The following RAD54L2 variants were observed in gnomAD, a reference collection of about 807,000 sequenced individuals.
The protein encoded by RAD54L2 is helicase ARIP4.
Under a neutral mutation model 138.4 loss-of-function variants are expected in RAD54L2, and 27 were observed. That is an observed-to-expected ratio of 0.20 (90% confidence interval 0.14 to 0.27). The LOEUF (loss-of-function observed/expected upper bound fraction) is 0.27, where lower values mean the gene tolerates loss of function less well. Among genes scored for constraint, RAD54L2 ranks in the 10% least tolerant of loss-of-function variants. The probability of loss-of-function intolerance (pLI) is 1.00; values close to 1 mark genes in which losing one functional copy is unlikely to be tolerated. For missense variants in RAD54L2, 1,396 were observed against 1,890.2 expected, an observed-to-expected ratio of 0.74 and a Z score of 4.85; for synonymous variants, 644 against 723.2, an observed-to-expected ratio of 0.89 and a Z score of 1.76.
intron 2 of RAD54L2, among the ~76,000 whole-genome samples, chr3:51,544,574 A>T (rs1346389784): frequency 6.6e-6 from 1 of 152,196 alleles, no homozygotes; most frequent in Admixed American, 6.6e-5. Flanking sequence ...CTAACTACTG[A>T]TAAGCCACCA....
chr3:51,562,991 T>C (rs1460426371), intron 2 of RAD54L2, among the ~76,000 whole-genome samples: 2 of 152,126 alleles, frequency 1.3e-5, no homozygotes, highest in Middle Eastern at 3.2e-3. Flanking sequence ...GCCTACCCCA[T>C]TCCCTGGACA....
intron 2 of RAD54L2, among the ~76,000 whole-genome samples, chr3:51,549,384 A>G (rs1698778065): frequency 6.6e-6 from 1 of 152,134 alleles, no homozygotes; most frequent in Non-Finnish European, 1.5e-5. Context: ...CAGGAGACAA[A>G]TCCAGAGCCA....
rs1701284458 is a variant in RAD54L2, at chr3:51,646,484, G to A, written c.3026+3G>A. 1 of 1,602,684 alleles carries A rather than the reference G, an allele frequency of 6.2e-7. No individual in the cohort carries two copies. Among genetic ancestry groups the A allele is most frequent in the African/African-American group, 1.3e-5 (1 of 74,622 alleles). On this transcript the variant is annotated splice_donor_region_variant and intron_variant, in intron 19 of 22. Transcript: ENST00000684192. ...CCCGCCTTCAGCCAGAGAAACTGGT[G>A]AGTTGCTGAAAGGGGAGGGTCTGCT... is the stretch of plus-strand genomic sequence containing the variant.
At chr3:51,548,879 T>C (rs1698765308) in intron 2 of RAD54L2, among the ~76,000 whole-genome samples, 2 of 142,986 alleles carry the variant, frequency 1.4e-5, no homozygotes, top group African/African-American at 5.3e-5. Context: ...CAGGCTGGAG[T>C]GCAGTGGCGC....
intron 7 of RAD54L2, 126 bp from the exon 8 acceptor site, chr3:51,633,451 C>A: frequency 1.1e-6 from 1 of 899,096 alleles, no homozygotes; most frequent in Non-Finnish European, 1.7e-6. Context: ...CTTCTATGGC[C>A]ATCCACACCT....
intron 1 of RAD54L2, among the ~76,000 whole-genome samples, chr3:51,540,143 T>G (rs1047638635): frequency 3.3e-5 from 5 of 152,250 alleles, no homozygotes; most frequent in Non-Finnish European, 5.9e-5. Context: ...CCAATTCTTA[T>G]AAATCTAAAT....
intron 20 of RAD54L2, 57 bp from the exon 21 acceptor site, chr3:51,657,523 C>A: frequency 8.2e-7 from 1 of 1,217,736 alleles, no homozygotes; most frequent in Non-Finnish European, 1.2e-6. Context: ...TGCAATTTTC[C>A]CCCCTCCTTC....
intron 19 of RAD54L2, among the ~76,000 whole-genome samples, chr3:51,652,930 G>T (rs979086940): frequency 7.9e-5 from 12 of 152,230 alleles, no homozygotes; most frequent in South Asian, 2.1e-4. Flanking sequence ...TAGACAAATG[G>T]GATCTAATTA....
intron 3 of RAD54L2, among the ~76,000 whole-genome samples, chr3:51,617,934 T>A (rs537461724): frequency 1.3e-5 from 2 of 152,208 alleles, no homozygotes; most frequent in South Asian, 4.1e-4. Context: ...ATAATGTATA[T>A]TTAATACATA....
intron 19 of RAD54L2, among the ~76,000 whole-genome samples, chr3:51,648,799 C>T (rs1270867893): frequency 6.6e-6 from 1 of 152,146 alleles, no homozygotes; most frequent in Non-Finnish European, 1.5e-5. Context: ...ATCTGTAGGT[C>T]ACCATCATCA....
intron 20 of RAD54L2, 151 bp from the exon 21 acceptor site, chr3:51,657,429 G>T: frequency 2.2e-6 from 1 of 447,336 alleles, no homozygotes. Flanking sequence ...GATCCTGCTT[G>T]CTTCACCTTC....
Position 51,662,896 on chromosome 3 carries a change from T to A in RAD54L2, c.3880T>A (p.Phe1294Ile). The A allele has an allele frequency of 6.2e-7, 1 of 1,613,402 alleles. No individual in the cohort carries two copies. Among genetic ancestry groups the A allele is most frequent in the Non-Finnish European group, 8.5e-7 (1 of 1,179,762 alleles). ...YEHGYPVSGGFAMPPVSLNHN... is the reference protein window; with the variant it reads ...YEHGYPVSGGIAMPPVSLNHN... ...ACACGGGTATCCAGTCTCTGGCGGG[T>A]TTGCCATGCCACCCGTCTCCTTAAA... Residue 1294 changes from phenylalanine to isoleucine, a missense_variant, in exon 23 of 23, where the codon TTT (phenylalanine) becomes ATT (isoleucine). Coordinates refer to ENST00000684192, the MANE Select transcript of RAD54L2 (RefSeq NM_015106.4). This position sits in a 1 kb window ranked among gnomAD's most constrained non-coding sequence, Gnocchi z 4.6.
chr3:51,546,692 T>TA (rs1553672348), intron 2 of RAD54L2, among the ~76,000 whole-genome samples: 1 of 151,916 alleles, frequency 6.6e-6, no homozygotes, highest in African/African-American at 2.4e-5. Context: ...CAGTAGCTGT[T>TA]AAAAATTGAT....
At chr3:51,622,723 C>T (rs1454198037) in intron 3 of RAD54L2, among the ~76,000 whole-genome samples, 1 of 152,132 alleles carries the variant, frequency 6.6e-6, no homozygotes, top group Non-Finnish European at 1.5e-5. Flanking sequence ...TGGGAGTAGT[C>T]TTACCCAGGA....
rs1701906407 is a variant in RAD54L2 at position 51,666,174 on chromosome 3, C to CTTGTTTTTTTTTTTTT, written c.*2756_*2757insGTTTTTTTTTTTTTTT. On this transcript the variant is annotated 3_prime_UTR_variant, in exon 23 of 23. Coordinates refer to ENST00000684192, the MANE Select transcript of RAD54L2 (RefSeq NM_015106.4). ...AGTGCTACCAGGTCCATGGTTTTTG[C>CTTGTTTTTTTTTTTTT]TTTTTTTTTTTTTTTTTTTTTTTTT... 1.7e-5 allele frequency: 1 copy of CTTGTTTTTTTTTTTTT among 58,706 alleles called. No homozygotes were observed. Among genetic ancestry groups the CTTGTTTTTTTTTTTTT allele is most frequent in the African/African-American group, 8.4e-5 (1 of 11,836 alleles). The allele number at this position is 58,706 out of a possible 1,614,324, so 3.6% of individuals were successfully genotyped here.
chr3:51,643,200 A>G (rs1701184039), intron 15 of RAD54L2, among the ~76,000 whole-genome samples: 1 of 151,992 alleles, frequency 6.6e-6, no homozygotes, highest in Non-Finnish European at 1.5e-5. Context: ...ATGCCCAGCT[A>G]ATTTTTGTAT....
chr3:51,569,282 G>A (rs1239097243), intron 2 of RAD54L2, among the ~76,000 whole-genome samples: 2 of 151,994 alleles, frequency 1.3e-5, no homozygotes, highest in Admixed American at 6.6e-5. Flanking sequence ...TCCTCTCAAG[G>A]CTCAGAATAA....
chr3:51,556,272 T>C (rs1480300088), intron 2 of RAD54L2, among the ~76,000 whole-genome samples: 1 of 152,166 alleles, frequency 6.6e-6, no homozygotes, highest in East Asian at 1.9e-4. Context: ...CCAATTGCCT[T>C]TTTTTGTTTT....
At chr3:51,648,174 C>T (rs1406252543) in intron 19 of RAD54L2, among the ~76,000 whole-genome samples, 1 of 152,196 alleles carries the variant, frequency 6.6e-6, no homozygotes, top group African/African-American at 2.4e-5. Flanking sequence ...GGTCCCACAC[C>T]CACGGAGCCT....
Sources: gnomAD v4.1 joint callset for allele counts (sites outside exome capture counted in the v4.1 genomes callset) on GRCh38, gnomAD v4.1.1 for gene constraint, Gnocchi (gnomAD v3.1) non-coding constraint, MANE v1.5 for transcripts, NCBI Gene and HGNC (gene_info 2026-07-23, HGNC 2026-07-21) for gene names.